The following CRYBB1 variants were observed in gnomAD, a reference collection of about 807,000 sequenced individuals.
The protein encoded by CRYBB1 is beta-crystallin B1.
A neutral mutation model predicts 29.5 loss-of-function variants in CRYBB1; 16 were observed. The observed-to-expected ratio is 0.54, with a 90% CI of 0.37 to 0.82. The LOEUF (loss-of-function observed/expected upper bound fraction) is 0.82, where lower values mean the gene tolerates loss of function less well. Among genes scored for constraint, CRYBB1 ranks in the 40% least tolerant of loss-of-function variants. CRYBB1 has a pLI of 0.00. For synonymous variants in CRYBB1, 127 were observed against 136.7 expected, an observed-to-expected ratio of 0.93 and a Z score of 0.49; for missense variants, 300 against 350.5, an observed-to-expected ratio of 0.86 and a Z score of 1.15.
In CRYBB1 at chr22:26,607,903, G is replaced by A. The variant is rs1929032766; in HGVS notation, c.418C>T (p.Arg140Trp). The A allele has an allele frequency of 1.9e-6, 3 of 1,614,102 alleles. No individual in the cohort carries two copies. The highest frequency in any genetic ancestry group is 1.3e-5 in the African/African-American group (1 of 74,938). Residue 140 changes from arginine to tryptophan, a missense_variant, in exon 4 of 6, where the codon CGG (arginine) becomes TGG (tryptophan). Physicochemically the swap from Arg to Trp is moderately radical, Grantham distance 101 (BLOSUM62 -3). Transcript: ENST00000647684. ...SYRSDRLMSF[R>W]PIKMDAQEHK... ...GAGCCACTCACCATTTTGATGGGCC[G>A]GAAGGACATGAGCCGATCACTGCGG...
In CRYBB1 at chr22:26,602,030, A is replaced by G. The variant is rs1928837895; in HGVS notation, c.433-9T>C. 1 of 1,613,376 alleles carries G rather than the reference A, an allele frequency of 6.2e-7. No individual in the cohort carries two copies. Among genetic ancestry groups the G allele is most frequent in the Non-Finnish European group, 8.5e-7 (1 of 1,179,888 alleles). On this transcript the variant is annotated splice_polypyrimidine_tract_variant and intron_variant, in intron 4 of 5. Coordinates refer to ENST00000647684, the MANE Select transcript of CRYBB1 (RefSeq NM_001887.4). ...TTGTGCTCCTGGGCATCCTGGGGAAAGAGAGGCCGGGTCAGGTGTGTGAAG... is the reference window on the plus strand; with the variant it reads ...TTGTGCTCCTGGGCATCCTGGGGAAGGAGAGGCCGGGTCAGGTGTGTGAAG...
chr22:26,614,626 G>C (rs1929284416), intron 2 of CRYBB1, among the ~76,000 whole-genome samples: 1 of 152,092 alleles, frequency 6.6e-6, no homozygotes, highest in African/African-American at 2.4e-5. Flanking sequence ...ATGGATATTA[G>C]GGATCTCATA....
intron 2 of CRYBB1, among the ~76,000 whole-genome samples, chr22:26,615,773 C>G (rs530897354): frequency 6.6e-6 from 1 of 152,312 alleles, no homozygotes; most frequent in South Asian, 2.1e-4. Flanking sequence ...CTCGGCCTCC[C>G]AAAGTGCTGG....
chr22:26,610,917 G>A (rs1439995453), intron 3 of CRYBB1, among the ~76,000 whole-genome samples: 4 of 152,184 alleles, frequency 2.6e-5, no homozygotes, highest in South Asian at 2.1e-4. Context: ...CAGAATACAG[G>A]ATGACTGGAA....
At chr22:26,609,651 A>C (rs1929095712) in intron 3 of CRYBB1, among the ~76,000 whole-genome samples, 1 of 152,164 alleles carries the variant, frequency 6.6e-6, no homozygotes, top group Non-Finnish European at 1.5e-5. Flanking sequence ...TCAATAGACG[A>C]ATGGGTAGAT....
chr22:26,601,257 T>G (rs1486453298), intron 5 of CRYBB1, among the ~76,000 whole-genome samples: 1 of 152,148 alleles, frequency 6.6e-6, no homozygotes, highest in African/African-American at 2.4e-5. Context: ...AGTGACTCCT[T>G]TGATCTGGCC....
chr22:26,617,761 T>C (rs553353358), intron 1 of CRYBB1, among the ~76,000 whole-genome samples: 25 of 152,090 alleles, frequency 1.6e-4, no homozygotes, highest in Non-Finnish European at 3.4e-4. Context: ...CTATCTGTCC[T>C]TTTTAATTAT....
At chr22:26,611,422 C>T (rs1200854223) in intron 3 of CRYBB1, among the ~76,000 whole-genome samples, 1 of 151,932 alleles carries the variant, frequency 6.6e-6, no homozygotes, top group Non-Finnish European at 1.5e-5. Flanking sequence ...ACTCTTTGAC[C>T]TCTCTCAGCC....
At chr22:26,608,055 G>T (rs754799830) in intron 3 of CRYBB1, 34 bp from the exon 4 acceptor site, 1 of 1,613,988 alleles carries the variant, frequency 6.2e-7, no homozygotes, top group South Asian at 1.1e-5. Context: ...GCAGACAGGA[G>T]ACATATGGTT....
chr22:26,604,397 C>T (rs1928913747), intron 4 of CRYBB1, among the ~76,000 whole-genome samples: 1 of 152,212 alleles, frequency 6.6e-6, no homozygotes, highest in Non-Finnish European at 1.5e-5. Flanking sequence ...CTGTTATTAT[C>T]TACTGTTATT....
At chr22:26,608,167 AT>A in intron 3 of CRYBB1, 146 bp from the exon 4 acceptor site, 1 of 1,196,188 alleles carries the variant, frequency 8.4e-7, no homozygotes, top group Non-Finnish European at 1.2e-6. Flanking sequence ...TCTGGGTTTG[AT>A]TTTAGGCTCT....
At chr22:26,608,558 T>G (rs1318630804) in intron 3 of CRYBB1, among the ~76,000 whole-genome samples, 1 of 152,216 alleles carries the variant, frequency 6.6e-6, no homozygotes, top group African/African-American at 2.4e-5. Context: ...ACTTTTGTGT[T>G]TATTGTTAAT....
chr22:26,610,629 G>A (rs776972642), intron 3 of CRYBB1, among the ~76,000 whole-genome samples: 1 of 152,192 alleles, frequency 6.6e-6, no homozygotes, highest in Non-Finnish European at 1.5e-5. Context: ...ATGGTCCCGG[G>A]TAGCCTCCAG....
chr22:26,608,250 A>C (rs1929048535), intron 3 of CRYBB1, among the ~76,000 whole-genome samples: 1 of 152,212 alleles, frequency 6.6e-6, no homozygotes, highest in Admixed American at 6.5e-5. Context: ...ATCTACACTC[A>C]TATGCCTGTT....
intron 5 of CRYBB1, among the ~76,000 whole-genome samples, chr22:26,601,304 C>T (rs1928810439): frequency 6.6e-6 from 1 of 152,046 alleles, no homozygotes; most frequent in African/African-American, 2.4e-5. Flanking sequence ...TCATGGGGCT[C>T]CGTTTTGATA....
At chr22:26,600,194 G>T (rs1928777862) in intron 5 of CRYBB1, among the ~76,000 whole-genome samples, 1 of 152,156 alleles carries the variant, frequency 6.6e-6, no homozygotes, top group African/African-American at 2.4e-5. Context: ...AAGGTCAGGA[G>T]ATCGAGACCA....
chr22:26,617,407 G>C (rs1929391885), intron 1 of CRYBB1, among the ~76,000 whole-genome samples: 1 of 152,222 alleles, frequency 6.6e-6, no homozygotes, highest in South Asian at 2.1e-4. Context: ...GGCGGAGCTA[G>C]TTGGGATAAG....
At chr22:26,613,235 C>T (rs969486456) in intron 2 of CRYBB1, among the ~76,000 whole-genome samples, 11 of 152,224 alleles carry the variant, frequency 7.2e-5, no homozygotes, top group African/African-American at 2.2e-4. Flanking sequence ...GTTGGGACAA[C>T]GTTGCCATTC....
At chr22:26,617,417 G>C (rs879818503) in intron 1 of CRYBB1, among the ~76,000 whole-genome samples, 2 of 152,208 alleles carry the variant, frequency 1.3e-5, no homozygotes, top group African/African-American at 4.8e-5. Context: ...GTTGGGATAA[G>C]CACATCCCTC....
Sources: allele counts gnomAD v4.1 joint callset (sites outside exome capture counted in the v4.1 genomes callset), GRCh38; gene constraint gnomAD v4.1.1; transcripts MANE v1.5; gene names NCBI Gene and HGNC (gene_info 2026-07-23, HGNC 2026-07-21).